ANKRD13B: variants seen among roughly 807,000 people sequenced by gnomAD.
ANKRD13B encodes ankyrin repeat domain 13B.
A neutral mutation model predicts 74.4 loss-of-function variants in ANKRD13B; 33 were observed. The ratio of observed to expected loss-of-function variants is 0.44; its 90% confidence interval spans 0.34 to 0.59. The LOEUF is 0.59. Ranked by LOEUF, ANKRD13B falls within the 20% of genes least tolerant of loss-of-function variation. ANKRD13B has a pLI of 0.02. For synonymous variants in ANKRD13B, 341 were observed against 362.9 expected (o/e 0.94, Z 0.68); for missense variants, 676 against 877.9 (o/e 0.77, Z 2.91).
At position 29,593,655 on chromosome 17, in the gene ANKRD13B, C is replaced by A. The variant is rs1179390444; in HGVS notation, c.34C>A (p.Pro12Thr). 2.1e-6 allele frequency: 3 copies of A among 1,423,730 alleles called. No individual in the cohort carries two copies. Among genetic ancestry groups the A allele is most frequent in the African/African-American group, 3.0e-5 (2 of 67,214 alleles). The allele number at this position is 1,423,730 out of a possible 1,614,324, so 88.2% of individuals were successfully genotyped here. ...IPANASARKG[P>T]EGKYPLHYLV... ...CGCCAACGCCTCCGCCAGGAAGGGG[C>A]CCGAGGGCAAGTATCCGCTGCACTA... The change falls in exon 1 of 15, where the codon CCC becomes ACC. Residue 12 changes from proline (P) to threonine (T), a missense_variant. Physicochemically the swap from Pro to Thr is conservative, Grantham distance 38. This residue lies in a region of ANKRD13B where 88 missense variants were observed against 87.8 expected (regional missense o/e 1.00). Transcript: ENST00000394859.
intron 1 of ANKRD13B, among the ~76,000 whole-genome samples, chr17:29,595,158 G>C (rs529324235): frequency 6.6e-6 from 1 of 152,338 alleles, no homozygotes; most frequent in Admixed American, 6.5e-5. Context: ...GCCTGTTAAA[G>C]AGAGTGGGTC....
Position 29,611,588 on chromosome 17 carries a change from C to G in ANKRD13B, c.914C>G (p.Thr305Arg), listed in dbSNP as rs780687451. The G allele has an allele frequency of 1.9e-6, 3 of 1,614,182 alleles. No homozygotes were observed. In the South Asian group the frequency reaches 3.3e-5, roughly 18 times the overall value. Residue 305 changes from threonine to arginine, a missense_variant, in exon 9 of 15, where the codon ACA becomes AGA. Thr to Arg is a moderately conservative substitution (Grantham distance 71). Around this residue, in one of 4 missense-constraint regions of ANKRD13B, gnomAD observed 328 missense variants for 518.4 expected, o/e 0.63. Coordinates refer to ENST00000394859, the MANE Select transcript of ANKRD13B (RefSeq NM_152345.5). The surrounding 1 kb of genome is among the most constrained non-coding windows in gnomAD (Gnocchi z 4.3). ...GCCACATTTCTTGTAGGCTGTAAGA[C>G]ACCTTTGCAGTCCTTCCTGGGAATC... ...QHKGKVKGCK[T>R]PLQSFLGIAE...
At chr17:29,594,342 T>C (rs568299266) in intron 1 of ANKRD13B, among the ~76,000 whole-genome samples, 2 of 152,290 alleles carry the variant, frequency 1.3e-5, no homozygotes, top group South Asian at 4.1e-4. Flanking sequence ...TCTCCTGCCC[T>C]CTGGTGCTGG....
chr17:29,600,567 C>T (rs1401892419), intron 1 of ANKRD13B, among the ~76,000 whole-genome samples: 1 of 152,154 alleles, frequency 6.6e-6, no homozygotes, highest in Non-Finnish European at 1.5e-5. Context: ...AGAATAAACC[C>T]CTGGTGTCCT....
chr17:29,598,087 C>G (rs753095723), intron 1 of ANKRD13B, among the ~76,000 whole-genome samples: 23 of 152,252 alleles, frequency 1.5e-4, no homozygotes, highest in Admixed American at 1.5e-3. Context: ...CTCCCGCTGC[C>G]GGGCTCAGGA....
rs2034563582 is a variant in ANKRD13B at position 29,611,050 on chromosome 17, C to T, written c.904+284C>T. On this transcript the variant is annotated intron_variant, in intron 8 of 14. Coordinates refer to ENST00000394859, the MANE Select transcript of ANKRD13B (RefSeq NM_152345.5). This position sits in a 1 kb window ranked among gnomAD's most constrained non-coding sequence, Gnocchi z 4.3. The stretch of plus-strand genomic sequence containing the variant: ...GGAGAGGAGAGAAATGCCATGTATG[C>T]CATTTATTGGCCATTCTAGTCTAGT... Among the ~76,000 whole-genome samples the T allele has an allele frequency of 1.3e-5, 2 of 152,150 alleles. No homozygotes were observed. Among genetic ancestry groups the T allele is most frequent in the Admixed American group, 6.5e-5 (1 of 15,274 alleles).
At chr17:29,594,990 C>T (rs1159994283) in intron 1 of ANKRD13B, among the ~76,000 whole-genome samples, 2 of 152,234 alleles carry the variant, frequency 1.3e-5, no homozygotes, top group African/African-American at 2.4e-5. Flanking sequence ...TGTAAATATG[C>T]GAGTGACCTG....
Position 29,612,020 on chromosome 17 carries a change from C to A in ANKRD13B, c.1100+14C>A, listed in dbSNP as rs753338763. On this transcript the variant is annotated intron_variant, in intron 10 of 14. Coordinates refer to ENST00000394859, the MANE Select transcript of ANKRD13B (RefSeq NM_152345.5). This position sits in a 1 kb window ranked among gnomAD's most constrained non-coding sequence, Gnocchi z 6.1. ...CAAGACACAGAAGTGAGGCCCCTGC[C>A]GGTGCTGGGAAGGTGGGGGGCCGGG... 1.2e-6 allele frequency: 2 copies of A among 1,610,424 alleles called. No individual in the cohort carries two copies. Among genetic ancestry groups the A allele is most frequent in the African/African-American group, 2.7e-5 (2 of 74,736 alleles).
intron 1 of ANKRD13B, among the ~76,000 whole-genome samples, chr17:29,602,768 CT>C (rs1245712604): frequency 6.6e-6 from 1 of 152,178 alleles, no homozygotes; most frequent in African/African-American, 2.4e-5. Context: ...GTGGACATGT[CT>C]TAGGAGGGGC....
Position 29,595,761 on chromosome 17 carries a change from G to A in ANKRD13B, c.114+2026G>A, listed in dbSNP as rs532922766. 5.9e-5 allele frequency among the ~76,000 whole-genome samples: 9 copies of A among 152,292 alleles called. No homozygotes were observed. The South Asian group carries it at 1.9e-3, about 32-fold the overall frequency. On this transcript the variant is annotated intron_variant, in intron 1 of 14. Transcript: ENST00000394859. ...CCAGGGGGAATATAGGGCACTGGTG[G>A]AGGTTAACCCTTGTTCAACCACAGA...
In ANKRD13B at chr17:29,612,347, G is replaced by C; in HGVS notation, c.1259-55G>C. ...GTTTAGATGAGGTCGGGGTGGGGCTGAGGCTGAGGTGTGAGGGGCTGAGTG... is the reference window on the plus strand; with the variant it reads ...GTTTAGATGAGGTCGGGGTGGGGCTCAGGCTGAGGTGTGAGGGGCTGAGTG... On this transcript the variant is annotated intron_variant, in intron 11 of 14. Coordinates refer to ENST00000394859, the MANE Select transcript of ANKRD13B (RefSeq NM_152345.5). The surrounding 1 kb of genome is among the most constrained non-coding windows in gnomAD (Gnocchi z 6.1). 6.2e-7 allele frequency: 1 copy of C among 1,610,740 alleles called. No individual in the cohort carries two copies. Among genetic ancestry groups the C allele is most frequent in the Non-Finnish European group, 8.5e-7 (1 of 1,177,888 alleles).
intron 1 of ANKRD13B, among the ~76,000 whole-genome samples, chr17:29,602,124 G>A (rs2034202021): frequency 6.6e-6 from 1 of 152,302 alleles, no homozygotes; most frequent in South Asian, 2.1e-4. Context: ...GGCCGGGTGT[G>A]GTGGCTCACG....
In ANKRD13B at chr17:29,610,651, A is replaced by ACTG. The variant is rs1243322760; in HGVS notation, c.823-31_823-29dup. 4.4e-6 allele frequency: 7 copies of ACTG among 1,607,818 alleles called. No homozygotes were observed. In the East Asian group the frequency reaches 1.6e-4, roughly 36 times the overall value. On this transcript the variant is annotated intron_variant, in intron 7 of 14. Transcript: ENST00000394859. ...GGGTAAGACACAGGGTAAGACCAGA[A>ACTG]CTGCTTATGAGCCCTTTCTTCATCT...
At position 29,607,892 on chromosome 17, in the gene ANKRD13B, T is replaced by C. The variant is rs2034445185; in HGVS notation, c.250+15T>C. The C allele has an allele frequency of 1.3e-6, 2 of 1,589,978 alleles. No homozygotes were observed. The highest frequency in any genetic ancestry group is 1.1e-5 in the South Asian group (1 of 89,468). ...CGGCTGGACAGGTGGGCAGCCCTGC[T>C]CACCCCAGCCCCACAGCCGGGGCCT... On this transcript the variant is annotated intron_variant, in intron 2 of 14. Coordinates refer to ENST00000394859, the MANE Select transcript of ANKRD13B (RefSeq NM_152345.5).
Position 29,608,970 on chromosome 17 carries a change from C to T in ANKRD13B, c.541C>T (p.Arg181Cys), listed in dbSNP as rs759722370. 35 of 1,614,024 alleles carry T rather than the reference C, an allele frequency of 2.2e-5. No homozygotes were observed. The highest frequency in any genetic ancestry group is 7.7e-5 in the South Asian group (7 of 91,088). ...FDHMTWQRGN[R>C]SFVFRGQDTS... ...CCACATGACCTGGCAGCGAGGGAAC[C>T]GCAGCTTTGTCTTCAGGGGCCAAGG... The change falls in exon 5 of 15, where the codon CGC becomes TGC. Residue 181 changes from arginine to cysteine, a missense_variant. Arg to Cys is a radical substitution (Grantham distance 180). Around this residue, in one of 4 missense-constraint regions of ANKRD13B, gnomAD observed 328 missense variants for 518.4 expected, o/e 0.63. Coordinates refer to ENST00000394859, the MANE Select transcript of ANKRD13B (RefSeq NM_152345.5). The surrounding 1 kb of genome is among the most constrained non-coding windows in gnomAD (Gnocchi z 6.4).
In ANKRD13B at chr17:29,607,669, A is replaced by C. The variant is rs916408901; in HGVS notation, c.115-73A>C. 2.6e-6 allele frequency: 4 copies of C among 1,535,136 alleles called. 1 individual carries two copies. In the South Asian group the frequency reaches 3.6e-5, roughly 14 times the overall value. On this transcript the variant is annotated intron_variant, in intron 1 of 14. Transcript: ENST00000394859. Reference sequence around the variant, plus strand: ...GGGGGTGGGGGTTGCTGCCTGCTCCAGGGCTGTCTGGCTCCGGAGGGCTGC... The same window carrying C: ...GGGGGTGGGGGTTGCTGCCTGCTCCCGGGCTGTCTGGCTCCGGAGGGCTGC...
intron 1 of ANKRD13B, chr17:29,594,024 T>G: frequency 1.1e-5 from 2 of 179,364 alleles, no homozygotes; most frequent in East Asian, 1.4e-4. Flanking sequence ...TGTGTCGGTG[T>G]TCCATGTGGT....
intron 1 of ANKRD13B, among the ~76,000 whole-genome samples, chr17:29,604,831 C>T (rs777200614): frequency 1.6e-4 from 24 of 152,236 alleles, no homozygotes; most frequent in Non-Finnish European, 2.6e-4. Flanking sequence ...GCATGAGCCA[C>T]TGCACCCGGC....
chr17:29,612,739 C>T lies in ANKRD13B; in HGVS notation c.1499C>T (p.Thr500Ile). ...SMMGGQREAATRDDDDDLLQF... is the reference protein window; with the variant it reads ...SMMGGQREAAIRDDDDDLLQF... ...ATGGGCGGCCAGCGGGAGGCGGCGACCCGGGACGACGACGACGACCTGCTG... is the reference window on the plus strand; with the variant it reads ...ATGGGCGGCCAGCGGGAGGCGGCGATCCGGGACGACGACGACGACCTGCTG... Residue 500 changes from threonine to isoleucine, a missense_variant, in exon 13 of 15, where the codon ACC (threonine) becomes ATC (isoleucine). Thr to Ile is a moderately conservative substitution (Grantham distance 89). This residue lies in a region of ANKRD13B where 152 missense variants were observed against 181.4 expected (regional missense o/e 0.84). Transcript: ENST00000394859. This position sits in a 1 kb window ranked among gnomAD's most constrained non-coding sequence, Gnocchi z 6.1. 6.2e-7 allele frequency: 1 copy of T among 1,601,708 alleles called. No homozygotes were observed. The highest frequency in any genetic ancestry group is 1.3e-5 in the African/African-American group (1 of 74,982).
Sources: gnomAD v4.1 joint callset for allele counts (sites outside exome capture counted in the v4.1 genomes callset) on GRCh38, gnomAD v4.1.1 for gene constraint, gnomAD v4.1.1 regional missense constraint, Gnocchi (gnomAD v3.1) non-coding constraint, MANE v1.5 for transcripts, NCBI Gene and HGNC (gene_info 2026-07-23, HGNC 2026-07-21) for gene names.